SHISA9: variants seen among roughly 807,000 people sequenced by gnomAD.
SHISA9 encodes the protein shisa family member 9.
Under a neutral mutation model 38.0 loss-of-function variants are expected in SHISA9, and 13 were observed. That is an observed-to-expected ratio of 0.34 (90% CI 0.22 to 0.54). The LOEUF (loss-of-function observed/expected upper bound fraction) is 0.54. SHISA9 is among the 20% of genes least tolerant of loss of function. The probability of loss-of-function intolerance (pLI) is 0.91; values close to 1 mark genes in which losing one functional copy is unlikely to be tolerated. For synonymous variants in SHISA9, 275 were observed against 242.0 expected, an observed-to-expected ratio of 1.14 and a Z score of -1.27; for missense variants, 538 against 575.8, an observed-to-expected ratio of 0.93 and a Z score of 0.67.
At chr16:13,490,716 A>G in the SHISA9 span, among the ~76,000 whole-genome samples, 2 of 152,092 alleles carry the variant, frequency 1.3e-5, no homozygotes, top group Non-Finnish European at 2.9e-5. Flanking sequence ...GCTCTTTGGG[A>G]TGTTCTGTGT....
the SHISA9 span, among the ~76,000 whole-genome samples, chr16:13,380,841 G>A: frequency 1.0e-4 from 14 of 140,550 alleles, no homozygotes; most frequent in African/African-American, 3.8e-4. Flanking sequence ...CCCCCAGCAG[G>A]CCTCCATGTG....
At chr16:13,168,921 A>G (rs1242322952) in intron 2 of SHISA9, among the ~76,000 whole-genome samples, 1 of 152,258 alleles carries the variant, frequency 6.6e-6, no homozygotes, top group African/African-American at 2.4e-5. Context: ...TGACGCATGC[A>G]TCGTGCCTGG....
intron 2 of SHISA9, among the ~76,000 whole-genome samples, chr16:13,113,524 C>A (rs922014588): frequency 5.9e-5 from 9 of 152,186 alleles, no homozygotes; most frequent in African/African-American, 2.2e-4. Context: ...TAATTGGCAG[C>A]CTTCTTCAGG....
the SHISA9 span, among the ~76,000 whole-genome samples, chr16:13,334,701 G>T: frequency 6.7e-6 from 1 of 149,168 alleles, no homozygotes; most frequent in East Asian, 2.0e-4. Flanking sequence ...TTGAACCTGG[G>T]AGGCAGAGGT....
the SHISA9 span, among the ~76,000 whole-genome samples, chr16:13,539,319 A>T: frequency 0.12 from 3,346 of 28,288 alleles, 301 homozygotes; most frequent in East Asian, 0.26. Flanking sequence ...TATATATATA[A>T]AGACAGGATC....
intron 2 of SHISA9, among the ~76,000 whole-genome samples, chr16:13,151,596 T>G (rs1158215797): frequency 6.6e-6 from 1 of 152,214 alleles, no homozygotes; most frequent in Non-Finnish European, 1.5e-5. Context: ...ATCTCTACTC[T>G]TGTTATATAA....
chr16:13,104,850 A>G (rs997844457), intron 2 of SHISA9, among the ~76,000 whole-genome samples: 1 of 152,232 alleles, frequency 6.6e-6, no homozygotes, highest in Admixed American at 6.5e-5. Context: ...TGCAAATTAC[A>G]TATCAATAAA....
intron 4 of SHISA9, among the ~76,000 whole-genome samples, chr16:13,232,341 CAAATA>C (rs1274070915): frequency 1.3e-5 from 2 of 151,784 alleles, no homozygotes; most frequent in African/African-American, 2.4e-5. Flanking sequence ...AAATGAAAAA[CAAATA>C]AGAAAAGAAA....
chr16:13,483,292 G>A, the SHISA9 span, among the ~76,000 whole-genome samples: 2 of 152,164 alleles, frequency 1.3e-5, no homozygotes, highest in Admixed American at 1.3e-4. Flanking sequence ...CATTTTTTAA[G>A]GGATGGTTTC....
chr16:13,315,039 G>A, the SHISA9 span, among the ~76,000 whole-genome samples: 2 of 151,702 alleles, frequency 1.3e-5, no homozygotes, highest in East Asian at 1.9e-4. Context: ...TCCCAGTCCC[G>A]TTTGGTTCCC....
chr16:12,929,350 C>T (rs275393), intron 2 of SHISA9, among the ~76,000 whole-genome samples: 103,500 of 152,018 alleles, frequency 0.68, 35,535 homozygotes, highest in East Asian at 0.78. Context: ...GTATGTTCAT[C>T]GCAGCAATAT....
At position 12,999,059 on chromosome 16, in the gene SHISA9, T is replaced by C. The variant is rs141334962; in HGVS notation, c.691+82244T>C. Among the ~76,000 whole-genome samples, 565 of 152,306 alleles carry C rather than the reference T, an allele frequency of 3.7e-3. 3 individuals are homozygous for C. The highest frequency in any genetic ancestry group is 0.013 in the African/African-American group (530 of 41,558). On this transcript the variant is annotated intron_variant, in intron 2 of 4. Transcript: ENST00000558583. ...CTGTTTAAAGACACCTTATTTGGTATATATTATTGGTTCATTAACACTGAA... is the reference window on the plus strand; with the variant it reads ...CTGTTTAAAGACACCTTATTTGGTACATATTATTGGTTCATTAACACTGAA...
intron 2 of SHISA9, among the ~76,000 whole-genome samples, chr16:12,947,562 A>C (rs2071703682): frequency 1.3e-5 from 2 of 152,244 alleles, no homozygotes; most frequent in Non-Finnish European, 1.5e-5. Flanking sequence ...AATAGTTAGC[A>C]GGAATTCATT....
the SHISA9 span, among the ~76,000 whole-genome samples, chr16:13,408,027 G>T: frequency 1.3e-5 from 2 of 152,124 alleles, no homozygotes; most frequent in Non-Finnish European, 2.9e-5. Context: ...TGGCTTCTCT[G>T]TGATTTTTCC....
At chr16:12,926,798 A>G (rs1442098460) in intron 2 of SHISA9, among the ~76,000 whole-genome samples, 1 of 152,228 alleles carries the variant, frequency 6.6e-6, no homozygotes, top group Non-Finnish European at 1.5e-5. Flanking sequence ...CAGAGTGAAG[A>G]AAAGCAGAAC....
At chr16:13,350,280 G>T in the SHISA9 span, 13 of 152,356 alleles carry the variant, frequency 8.5e-5, no homozygotes, top group Admixed American at 8.5e-4. Flanking sequence ...GGGTTCTCAA[G>T]GTTTTGGCCG....
intron 2 of SHISA9, among the ~76,000 whole-genome samples, chr16:13,051,094 G>A (rs545760485): frequency 2.2e-4 from 34 of 152,256 alleles, no homozygotes; most frequent in African/African-American, 7.9e-4. Flanking sequence ...TACTGAGTAC[G>A]TACTTGTATT....
chr16:13,360,063 G>A, the SHISA9 span, among the ~76,000 whole-genome samples: 1 of 152,200 alleles, frequency 6.6e-6, no homozygotes, highest in Non-Finnish European at 1.5e-5. Flanking sequence ...AGCGTGGAAG[G>A]ACATCCGGTT....
chr16:12,972,418 G>A (rs1032055462), intron 2 of SHISA9, among the ~76,000 whole-genome samples: 1 of 152,108 alleles, frequency 6.6e-6, no homozygotes, highest in Admixed American at 6.6e-5. Flanking sequence ...CCACACCTCC[G>A]TATATCACTA....
Sources: gnomAD v4.1 joint callset for allele counts (sites outside exome capture counted in the v4.1 genomes callset) on GRCh38, gnomAD v4.1.1 for gene constraint, MANE v1.5 for transcripts, NCBI Gene and HGNC (gene_info 2026-07-23, HGNC 2026-07-21) for gene names.